ABL2: variants seen among roughly 807,000 people sequenced by gnomAD.
The protein encoded by ABL2 is tyrosine-protein kinase ABL2.
ABL2 carries 49 observed loss-of-function variants against 107.7 expected under a neutral mutation model. The observed-to-expected ratio is 0.45, with a 90% CI of 0.36 to 0.58. The LOEUF (loss-of-function observed/expected upper bound fraction) is 0.58, where lower values mean the gene tolerates loss of function less well. Ranked by LOEUF, ABL2 falls within the 20% of genes least tolerant of loss-of-function variation. The pLI is 0.00. For synonymous variants in ABL2, 549 were observed against 548.6 expected, an observed-to-expected ratio of 1.00 and a Z score of -0.01; for missense variants, 1,245 against 1,457.0, an observed-to-expected ratio of 0.85 and a Z score of 2.37.
Position 179,108,693 on chromosome 1 carries a change from T to C in ABL2, c.2574A>G (p.Thr858=). 1 of 1,614,180 alleles carries C rather than the reference T, an allele frequency of 6.2e-7. No homozygotes were observed. Among genetic ancestry groups the C allele is most frequent in the Non-Finnish European group, 8.5e-7 (1 of 1,179,996 alleles). Reference sequence around the variant, plus strand: ...CAGAGGGTGTTCTGAGAGGAAGAGCTGTGGCTCCTCTGGGCAATAACTTGG... The same window carrying C: ...CAGAGGGTGTTCTGAGAGGAAGAGCCGTGGCTCCTCTGGGCAATAACTTGG... The part of the protein sequence containing the change: ...PKAKLLPRGA[T]ALPLRTPSGD... The change falls in exon 12 of 12, where the codon ACA becomes ACG. Residue 858 remains threonine (T), a synonymous_variant. Transcript: ENST00000502732.
In ABL2 at chr1:179,131,293, G is replaced by A; in HGVS notation, c.391+18C>T. 6.2e-7 allele frequency: 1 copy of A among 1,607,922 alleles called. No individual in the cohort carries two copies. The highest frequency in any genetic ancestry group is 8.5e-7 in the Non-Finnish European group (1 of 1,175,272). ...AATGAAAACTGAAAAGTGAAAGGAT[G>A]CTACATAGAAGCCTCACCTTTAGTG... On this transcript the variant is annotated intron_variant, in intron 3 of 11. Transcript: ENST00000502732.
intron 1 of ABL2, among the ~76,000 whole-genome samples, chr1:179,155,645 C>A (rs540358871): frequency 2.6e-5 from 4 of 151,566 alleles, no homozygotes; most frequent in African/African-American, 9.7e-5. Context: ...GCACAAGAAT[C>A]GCTTGAACCT....
intron 1 of ABL2, among the ~76,000 whole-genome samples, chr1:179,136,853 T>G (rs1572680882): frequency 6.7e-6 from 1 of 149,840 alleles, no homozygotes; most frequent in Non-Finnish European, 1.5e-5. Context: ...GAGGTGGAGG[T>G]TGCAGTGAGC....
intron 1 of ABL2, among the ~76,000 whole-genome samples, chr1:179,218,622 T>G (rs1263536313): frequency 6.6e-6 from 1 of 152,118 alleles, no homozygotes; most frequent in Non-Finnish European, 1.5e-5. Flanking sequence ...ATGGTCTTGA[T>G]CTCCTGACCT....
Position 179,118,672 on chromosome 1 carries a change from C to G in ABL2, c.1138G>C (p.Glu380Gln). 1 of 1,613,852 alleles carries G rather than the reference C, an allele frequency of 6.2e-7. No homozygotes were observed. The highest frequency in any genetic ancestry group is 8.5e-7 in the Non-Finnish European group (1 of 1,179,970). Residue 380 changes from glutamate to glutamine, a missense_variant, in exon 7 of 12, where the codon GAG (glutamate) becomes CAG (glutamine). By Grantham distance (29) the Glu-to-Gln change is conservative (BLOSUM62 2). Coordinates refer to ENST00000502732, the MANE Select transcript of ABL2 (RefSeq NM_007314.4). ...LDYLRECNRE[E>Q]VTAVVLLYMA... ...TAGAGCAGCACAACTGCAGTCACCT[C>G]TTCTCGGTTGCATTCTCGGAGGTAA...
Position 179,101,377 on chromosome 1 carries a change from C to CTTT in ABL2, c.*6338_*6340dup, listed in dbSNP as rs71108091. 2.1e-4 allele frequency: 36 copies of CTTT among 168,544 alleles called. No individual in the cohort carries two copies. The highest frequency in any genetic ancestry group is 1.0e-3 in the East Asian group (10 of 10,040). 10.4% of individuals were successfully genotyped at this position (168,544 alleles called of 1,614,324 possible). A position where few individuals can be genotyped will look rare whatever the true frequency, so the allele number is the denominator to read the frequency against. On this transcript the variant is annotated 3_prime_UTR_variant, in exon 12 of 12. Transcript: ENST00000502732. ...ATATTGAGTCAGAAATGAAGGTATC[C>CTTT]TTTTTTTTTTTTTTCTTCTTAACGT...
chr1:179,175,397 C>T (rs1046725744), intron 1 of ABL2, among the ~76,000 whole-genome samples: 6 of 152,188 alleles, frequency 3.9e-5, no homozygotes, highest in Non-Finnish European at 5.9e-5. Context: ...TGAATGGGTC[C>T]TCTGTTCCCT....
chr1:179,201,813 G>C lies in ABL2; in HGVS notation c.157+27428C>G, dbSNP rs896270812. 9.7e-5 allele frequency: 105 copies of C among 1,078,116 alleles called. No homozygotes were observed. The Middle Eastern group carries it at 1.7e-3, about 17-fold the overall frequency. 66.8% of individuals were successfully genotyped at this position (1,078,116 alleles called of 1,614,324 possible). On this transcript the variant is annotated intron_variant, in intron 1 of 11. Coordinates refer to ENST00000502732, the MANE Select transcript of ABL2 (RefSeq NM_007314.4). The stretch of plus-strand genomic sequence containing the variant: ...TTGAGGTGGACAGTTTGGCCATAAA[G>C]GTGTGGCTATTAACATGGTGACAGA...
chr1:179,174,528 A>G (rs151308956), intron 1 of ABL2, among the ~76,000 whole-genome samples: 12 of 152,160 alleles, frequency 7.9e-5, no homozygotes, highest in African/African-American at 2.4e-4. Context: ...TGAAATATAT[A>G]TATGTGTGTG....
At position 179,107,788 on chromosome 1, in the gene ABL2, G is replaced by A; in HGVS notation, c.3479C>T (p.Pro1160Leu). Residue 1160 changes from proline (P) to leucine (L), a missense_variant, in exon 12 of 12, where the codon CCC becomes CTC. Transcript: ENST00000502732. ...GTTATTAAGGACAGGGTTTGTCCCG[G>A]GCACACCAGCAGCTGCTGAAGAAAC... ...LQVSSAAAGV[P>L]GTNPVLNNLL... 6.2e-7 allele frequency: 1 copy of A among 1,614,162 alleles called. No individual in the cohort carries two copies. Among genetic ancestry groups the A allele is most frequent in the African/African-American group, 1.3e-5 (1 of 75,038 alleles).
rs1655725150 is a variant in ABL2 at position 179,126,417 on chromosome 1, C to T, written c.647G>A (p.Arg216His). 11 of 1,614,070 alleles carry T rather than the reference C, an allele frequency of 6.8e-6. No individual in the cohort carries two copies. Among genetic ancestry groups the T allele is most frequent in the Non-Finnish European group, 8.5e-6 (10 of 1,180,040 alleles). Reference protein sequence around the residue: ...QLSISLRYEGRVYHYRINTTA... With the variant: ...QLSISLRYEGHVYHYRINTTA... ...GGTATTGATCCTGTAGTGATACACA[C>T]GTCCCTCGTACCTGAGCGAGATGGA... The change falls in exon 4 of 12, where the codon CGT (arginine) becomes CAT (histidine). Residue 216 changes from arginine (R) to histidine (H), a missense_variant. Physicochemically the swap from Arg to His is conservative, Grantham distance 29. This residue lies in a region of ABL2 where 320 missense variants were observed against 547.0 expected (regional missense o/e 0.59). Transcript: ENST00000502732. This position sits in a 1 kb window ranked among gnomAD's most constrained non-coding sequence, Gnocchi z 4.4.
In ABL2 at chr1:179,126,602, C is replaced by T. The variant is rs1655740646; in HGVS notation, c.462G>A (p.Gln154=). 1 of 1,614,178 alleles carries T rather than the reference C, an allele frequency of 6.2e-7. No individual in the cohort carries two copies. The change falls in exon 4 of 12, where the codon CAG becomes CAA. Residue 154 remains glutamine, a synonymous_variant. Coordinates refer to ENST00000502732, the MANE Select transcript of ABL2 (RefSeq NM_007314.4). This position sits in a 1 kb window ranked among gnomAD's most constrained non-coding sequence, Gnocchi z 4.4. ...TGATGTAGTTGCTTGGCACCCAGCC[C>T]TGCCCATTCTTAGAGCGAACTTCAC... The part of the protein sequence containing the change: ...EWSEVRSKNG[Q]GWVPSNYITP...
intron 1 of ABL2, chr1:179,183,966 G>A (rs1025519720): frequency 3.8e-6 from 1 of 265,220 alleles, no homozygotes; most frequent in African/African-American, 2.3e-5. Context: ...AAGAACAGCA[G>A]GAAGCAACTG....
chr1:179,116,908 C>T (rs958583972), intron 8 of ABL2: 1 of 220,344 alleles, frequency 4.5e-6, no homozygotes, highest in Non-Finnish European at 9.1e-6. Flanking sequence ...TCTTGGCTCA[C>T]TGCAACCTCT....
intron 3 of ABL2, among the ~76,000 whole-genome samples, chr1:179,128,048 C>T (rs1268555908): frequency 2.2e-5 from 3 of 139,504 alleles, no homozygotes; most frequent in African/African-American, 7.9e-5. Flanking sequence ...AAAAAAAAAG[C>T]ACATGGCCAG....
intron 1 of ABL2, among the ~76,000 whole-genome samples, chr1:179,217,678 G>C (rs758872996): frequency 6.7e-6 from 1 of 150,154 alleles, no homozygotes; most frequent in Non-Finnish European, 1.5e-5. Context: ...TAAAGATTAA[G>C]ACAGGAGTTC....
chr1:179,108,245 C>A lies in ABL2; in HGVS notation c.3022G>T (p.Ala1008Ser). Residue 1008 changes from alanine to serine, a missense_variant, in exon 12 of 12, where the codon GCC becomes TCC. Physicochemically the swap from Ala to Ser is moderately conservative, Grantham distance 99 (BLOSUM62 1). This residue lies in a region of ABL2 where 761 missense variants were observed against 766.4 expected (regional missense o/e 0.99). Transcript: ENST00000502732. ...GATGTGGACTGTCCTGCAGTTAGGG[C>A]AGTTGGCTCTTCTGTAGGGTCTGAG... ...ICSDPTEEPT[A>S]LTAGQSTSET... 1 of 1,613,992 alleles carries A rather than the reference C, an allele frequency of 6.2e-7. No homozygotes were observed.
chr1:179,164,176 A>C (rs1437912835), intron 1 of ABL2, among the ~76,000 whole-genome samples: 3 of 152,192 alleles, frequency 2.0e-5, no homozygotes, highest in Non-Finnish European at 2.9e-5. Flanking sequence ...AACCAACAAA[A>C]TCCATTTTAC....
chr1:179,135,145 C>T lies in ABL2; in HGVS notation c.158-1771G>A, dbSNP rs1298007064. Reference sequence around the variant, plus strand: ...TGCCGAGATTGCAGCCTCTGCCCGGCCGCCACCCCGTCTGGGAAGTGAGGA... The same window carrying T: ...TGCCGAGATTGCAGCCTCTGCCCGGTCGCCACCCCGTCTGGGAAGTGAGGA... On this transcript the variant is annotated intron_variant, in intron 1 of 11. Transcript: ENST00000502732. Among the ~76,000 whole-genome samples the T allele has an allele frequency of 2.6e-5, 4 of 152,202 alleles. No individual in the cohort carries two copies. The East Asian group carries it at 7.7e-4, about 29-fold the overall frequency.
Sources: gnomAD v4.1 joint callset for allele counts (sites outside exome capture counted in the v4.1 genomes callset) on GRCh38, gnomAD v4.1.1 for gene constraint, gnomAD v4.1.1 regional missense constraint, Gnocchi (gnomAD v3.1) non-coding constraint, MANE v1.5 for transcripts, NCBI Gene and HGNC (gene_info 2026-07-23, HGNC 2026-07-21) for gene names.